The following SKOR1 variants were observed in gnomAD, a reference collection of about 807,000 sequenced individuals.
SKOR1 encodes LBX1 corepressor 1.
SKOR1 carries 38 observed loss-of-function variants against 72.4 expected under a neutral mutation model. That is an observed-to-expected ratio of 0.52 (90% CI 0.40 to 0.69). The LOEUF is 0.69. Ranked by LOEUF, SKOR1 falls within the 30% of genes least tolerant of loss-of-function variation. The probability of loss-of-function intolerance (pLI) is 0.00; values close to 1 mark genes in which losing one functional copy is unlikely to be tolerated. For synonymous variants in SKOR1, 642 were observed against 599.4 expected, an observed-to-expected ratio of 1.07 and a Z score of -1.04; for missense variants, 1,320 against 1,343.2, an observed-to-expected ratio of 0.98 and a Z score of 0.27.
chr15:67,825,858 C>T lies in SKOR1; in HGVS notation c.108-78C>T. The T allele has an allele frequency of 6.6e-7, 1 of 1,513,196 alleles. No homozygotes were observed. The highest frequency in any genetic ancestry group is 8.8e-7 in the Non-Finnish European group (1 of 1,138,078). The allele number at this position is 1,513,196 out of a possible 1,614,324, so 93.7% of individuals were successfully genotyped here. ...TATCCCCCGCGCGCCCAACTCGGAGCGCCCTGCTGGGCGGGCCCGAGCCTC... is the reference window on the plus strand; with the variant it reads ...TATCCCCCGCGCGCCCAACTCGGAGTGCCCTGCTGGGCGGGCCCGAGCCTC... On this transcript the variant is annotated intron_variant, in intron 1 of 8. Coordinates refer to ENST00000380035, the MANE Select transcript of SKOR1 (RefSeq NM_001365915.1). The surrounding 1 kb of genome is among the most constrained non-coding windows in gnomAD (Gnocchi z 5.6).
At position 67,827,294 on chromosome 15, in the gene SKOR1, C is replaced by G; in HGVS notation, c.1466C>G (p.Pro489Arg). ...AAAATVYPTF[P>R]MFWPAAGSLP... is the part of the protein sequence containing the mutation. The stretch of plus-strand genomic sequence containing the variant: ...GCCGCCACTGTGTACCCGACGTTTC[C>G]CATGTTCTGGCCAGCAGCAGGCAGC... The change falls in exon 2 of 9, where the codon CCC becomes CGC. Residue 489 changes from proline (P) to arginine (R), a missense_variant. By Grantham distance (103) the Pro-to-Arg change is moderately radical. Transcript: ENST00000380035. 1 of 1,589,558 alleles carries G rather than the reference C, an allele frequency of 6.3e-7. No homozygotes were observed. The highest frequency in any genetic ancestry group is 8.5e-7 in the Non-Finnish European group (1 of 1,175,484).
rs758032373 is a variant in SKOR1, at chr15:67,825,995, C to T, written c.167C>T (p.Ser56Leu). Reference protein sequence around the residue: ...QLGPGREGSSSPNSKQELQPY... With the variant: ...QLGPGREGSSLPNSKQELQPY... ...GGGCCGGGGCGCGAGGGCAGTTCCT[C>T]GCCCAACTCCAAGCAGGAGCTGCAG... Residue 56 changes from serine (S) to leucine (L), a missense_variant, in exon 2 of 9, where the codon TCG becomes TTG. Transcript: ENST00000380035. This position sits in a 1 kb window ranked among gnomAD's most constrained non-coding sequence, Gnocchi z 5.6. 7.2e-6 allele frequency: 11 copies of T among 1,535,050 alleles called. No individual in the cohort carries two copies. Among genetic ancestry groups the T allele is most frequent in the Non-Finnish European group, 8.8e-6 (10 of 1,141,476 alleles).
Position 67,827,056 on chromosome 15 carries a change from G to T in SKOR1, c.1228G>T (p.Asp410Tyr). ...GGCCTTCGGCCTATGCCCCAAAAAG[G>T]ACGACCCGGTTTTAGGCGCGGGCGA... ...PTAFGLCPKK[D>Y]DPVLGAGEPK... Residue 410 changes from aspartate to tyrosine, a missense_variant, in exon 2 of 9, where the codon GAC becomes TAC. This residue lies in a region of SKOR1 where 1,099 missense variants were observed against 1,025.5 expected (regional missense o/e 1.07). Transcript: ENST00000380035. 4 of 1,549,150 alleles carry T rather than the reference G, an allele frequency of 2.6e-6. No individual in the cohort carries two copies. The highest frequency in any genetic ancestry group is 3.5e-6 in the Non-Finnish European group (4 of 1,155,194).
At position 67,827,082 on chromosome 15, in the gene SKOR1, G is replaced by C; in HGVS notation, c.1254G>C (p.Glu418Asp). 1 of 1,521,412 alleles carries C rather than the reference G, an allele frequency of 6.6e-7. No individual in the cohort carries two copies. The highest frequency in any genetic ancestry group is 8.8e-7 in the Non-Finnish European group (1 of 1,141,858). The allele number at this position is 1,521,412 out of a possible 1,614,324, so 94.2% of individuals were successfully genotyped here. ...KKDDPVLGAG[E>D]PKGGPGTGSG... ...ACGACCCGGTTTTAGGCGCGGGCGA[G>C]CCAAAGGGCGGTCCTGGCACTGGGA... The change falls in exon 2 of 9, where the codon GAG becomes GAC. Residue 418 changes from glutamate to aspartate, a missense_variant. Glu to Asp is a conservative substitution (Grantham distance 45, BLOSUM62 2). This residue lies in a region of SKOR1 where 1,099 missense variants were observed against 1,025.5 expected (regional missense o/e 1.07). Coordinates refer to ENST00000380035, the MANE Select transcript of SKOR1 (RefSeq NM_001365915.1).
rs2090978217 is a variant in SKOR1, at chr15:67,827,985, C to G, written c.2157C>G (p.Pro719=). The change falls in exon 2 of 9, where the codon CCC becomes CCG. Residue 719 remains proline (P), a synonymous_variant. Coordinates refer to ENST00000380035, the MANE Select transcript of SKOR1 (RefSeq NM_001365915.1). ...ANSPDGGSPR[P]RRRLGPPPAG... ...CTCCCGACGGCGGCAGCCCCCGCCC[C>G]CGGCGCCGCCTCGGGCCACCCCCAG... is the stretch of plus-strand genomic sequence containing the variant. The G allele has an allele frequency of 6.5e-7, 1 of 1,539,260 alleles. No individual in the cohort carries two copies.
chr15:67,826,621 G>A lies in SKOR1; in HGVS notation c.793G>A (p.Glu265Lys). ...CACAGACGAACTGAGCCATGCTTGG[G>A]AGGACGTCAAGGCCATGTTTAATGG... is the stretch of plus-strand genomic sequence containing the variant. ...SATDELSHAW[E>K]DVKAMFNGGT... The change falls in exon 2 of 9, where the codon GAG becomes AAG. Residue 265 changes from glutamate (E) to lysine (K), a missense_variant. Around this residue, in one of 3 missense-constraint regions of SKOR1, gnomAD observed 1,099 missense variants for 1,025.5 expected, o/e 1.07. Transcript: ENST00000380035. The A allele has an allele frequency of 6.2e-7, 1 of 1,613,518 alleles. No homozygotes were observed. The highest frequency in any genetic ancestry group is 8.5e-7 in the Non-Finnish European group (1 of 1,179,824).
Position 67,825,942 on chromosome 15 carries a change from C to T in SKOR1, c.114C>T (p.Gly38=). The T allele has an allele frequency of 6.6e-7, 1 of 1,515,052 alleles. No homozygotes were observed. Among genetic ancestry groups the T allele is most frequent in the Non-Finnish European group, 8.8e-7 (1 of 1,134,394 alleles). 93.9% of individuals were successfully genotyped at this position (1,515,052 alleles called of 1,614,324 possible). A position where few individuals can be genotyped will look rare whatever the true frequency, so the allele number is the denominator to read the frequency against. ...FLAARAFLRS[G]GMEALTTQLG... ...TGCTTTCTCTATTTCGCAGGAGCGG[C>T]GGCATGGAGGCTCTCACCACTCAGC... is the stretch of plus-strand genomic sequence containing the variant. Residue 38 remains glycine, a synonymous_variant, in exon 2 of 9, where the codon GGC becomes GGT. Transcript: ENST00000380035. The surrounding 1 kb of genome is among the most constrained non-coding windows in gnomAD (Gnocchi z 5.6).
intron 5 of SKOR1, 69 bp downstream of exon 5, chr15:67,830,958 G>A (rs1298361249): frequency 2.0e-6 from 3 of 1,477,604 alleles, no homozygotes; most frequent in African/African-American, 1.4e-5. Flanking sequence ...GTAGAGGGGT[G>A]TTATCCCTGT....
rs1005589762 is a variant in SKOR1 at position 67,829,263 on chromosome 15, G to T, written c.2401G>T (p.Ala801Ser). The change falls in exon 3 of 9, where the codon GCC (alanine) becomes TCC (serine). Residue 801 changes from alanine to serine, a missense_variant. Physicochemically the swap from Ala to Ser is moderately conservative, Grantham distance 99. Around this residue, in one of 3 missense-constraint regions of SKOR1, gnomAD observed 1,099 missense variants for 1,025.5 expected, o/e 1.07. Coordinates refer to ENST00000380035, the MANE Select transcript of SKOR1 (RefSeq NM_001365915.1). ...GGCCTCCTACGTCTGCACCCCCGAG[G>T]CCCACGGTAACGCCTGTCGCGGCCG... Reference protein sequence around the residue: ...PAASYVCTPEAHEPDKEDNHS... With the variant: ...PAASYVCTPESHEPDKEDNHS... 1 of 1,551,678 alleles carries T rather than the reference G, an allele frequency of 6.4e-7. No homozygotes were observed.
At chr15:67,831,904 G>GC (rs1440890348) in intron 5 of SKOR1, among the ~76,000 whole-genome samples, 10 of 104,754 alleles carry the variant, frequency 9.5e-5, no homozygotes, top group East Asian at 2.9e-4. Flanking sequence ...GCGGCGGTGC[G>GC]GGGGGGGGAG....
Position 67,830,870 on chromosome 15 carries a change from T to C in SKOR1, c.2568T>C (p.Asp856=), listed in dbSNP as rs764272197. 1.1e-5 allele frequency: 17 copies of C among 1,614,112 alleles called. No homozygotes were observed. Among genetic ancestry groups the C allele is most frequent in the African/African-American group, 1.3e-5 (1 of 75,022 alleles). Residue 856 remains aspartate, a synonymous_variant, in exon 5 of 9, where the codon GAT becomes GAC. Transcript: ENST00000380035. Reference sequence around the variant, plus strand: ...CAGGAACTCATTTGGTGGAGAAAGATATCGAGAACCTGGCCAGAGGTGAGG... The same window carrying C: ...CAGGAACTCATTTGGTGGAGAAAGACATCGAGAACCTGGCCAGAGGTGAGG... ...DVTGTHLVEK[D]IENLAREELQ...
intron 3 of SKOR1, among the ~76,000 whole-genome samples, 200 bp from the exon 4 acceptor site, chr15:67,829,991 C>G (rs2090996097): frequency 6.6e-6 from 1 of 152,180 alleles, no homozygotes; most frequent in African/African-American, 2.4e-5. Flanking sequence ...GGCCTGAAGC[C>G]CGGAGATGAG....
Position 67,829,214 on chromosome 15 carries a change from C to G in SKOR1, c.2352C>G (p.Ser784Arg), listed in dbSNP as rs751116610. 19 of 1,575,888 alleles carry G rather than the reference C, an allele frequency of 1.2e-5. No individual in the cohort carries two copies. In the Admixed American group the frequency reaches 2.4e-4, roughly 20 times the overall value. The change falls in exon 3 of 9, where the codon AGC (serine) becomes AGG (arginine). Residue 784 changes from serine (S) to arginine (R), a missense_variant. Around this residue, in one of 3 missense-constraint regions of SKOR1, gnomAD observed 1,099 missense variants for 1,025.5 expected, o/e 1.07. Transcript: ENST00000380035. The part of the protein sequence containing the change: ...FAPERDEHVK[S>R]AAVALGPAAS... The stretch of plus-strand genomic sequence containing the variant: ...CCGAGAGGGATGAGCACGTGAAGAG[C>G]GCGGCGGTGGCGCTGGGGCCCGCGG...
chr15:67,826,651 A>T lies in SKOR1; in HGVS notation c.823A>T (p.Thr275Ser). 1 of 1,608,072 alleles carries T rather than the reference A, an allele frequency of 6.2e-7. No individual in the cohort carries two copies. Among genetic ancestry groups the T allele is most frequent in the South Asian group, 1.1e-5 (1 of 90,466 alleles). The change falls in exon 2 of 9, where the codon ACG (threonine) becomes TCG (serine). Residue 275 changes from threonine (T) to serine (S), a missense_variant. Thr to Ser is a moderately conservative substitution (Grantham distance 58). Coordinates refer to ENST00000380035, the MANE Select transcript of SKOR1 (RefSeq NM_001365915.1). ...EDVKAMFNGG[T>S]RKRTFSLQGG... ...CGTCAAGGCCATGTTTAATGGCGGCACGCGCAAGCGGACCTTCTCCCTACA... is the reference window on the plus strand; with the variant it reads ...CGTCAAGGCCATGTTTAATGGCGGCTCGCGCAAGCGGACCTTCTCCCTACA...
chr15:67,833,704 A>C lies in SKOR1; in HGVS notation c.2804-38A>C. ...GGACTGCGCGGTGAGGTGAGCCTGG[A>C]GAGGCGCCCAGAGTGACCCTCGCGA... On this transcript the variant is annotated intron_variant, in intron 8 of 8. Transcript: ENST00000380035. The surrounding 1 kb of genome is among the most constrained non-coding windows in gnomAD (Gnocchi z 6.0). The C allele has an allele frequency of 1.2e-6, 2 of 1,600,482 alleles. No individual in the cohort carries two copies. The highest frequency in any genetic ancestry group is 2.2e-5 in the East Asian group (1 of 44,776).
Position 67,830,867 on chromosome 15 carries a change from A to T in SKOR1, c.2565A>T (p.Lys855Asn). ...LDVTGTHLVE[K>N]DIENLAREEL... is the part of the protein sequence containing the mutation. ...TCACAGGAACTCATTTGGTGGAGAA[A>T]GATATCGAGAACCTGGCCAGAGGTG... is the stretch of plus-strand genomic sequence containing the variant. Residue 855 changes from lysine (K) to asparagine (N), a missense_variant, in exon 5 of 9, where the codon AAA becomes AAT. This residue lies in a region of SKOR1 where 1,099 missense variants were observed against 1,025.5 expected (regional missense o/e 1.07). Coordinates refer to ENST00000380035, the MANE Select transcript of SKOR1 (RefSeq NM_001365915.1). The T allele has an allele frequency of 6.2e-7, 1 of 1,614,190 alleles. No homozygotes were observed. Among genetic ancestry groups the T allele is most frequent in the East Asian group, 2.2e-5 (1 of 44,880 alleles).
intron 5 of SKOR1, 120 bp downstream of exon 5, chr15:67,831,009 G>A: frequency 2.0e-6 from 2 of 985,794 alleles, no homozygotes; most frequent in Non-Finnish European, 3.2e-6. Flanking sequence ...AGGCCTTGGG[G>A]GCATGAGTTT....
chr15:67,828,334 T>G (rs2090982030), intron 2 of SKOR1, among the ~76,000 whole-genome samples, 190 bp downstream of exon 2: 1 of 151,878 alleles, frequency 6.6e-6, no homozygotes, highest in African/African-American at 2.4e-5. Flanking sequence ...CCAGTGAGGG[T>G]TTCGAAGGGA....
At chr15:67,829,913 G>A (rs1040518285) in intron 3 of SKOR1, among the ~76,000 whole-genome samples, 1 of 152,218 alleles carries the variant, frequency 6.6e-6, no homozygotes, top group African/African-American at 2.4e-5. Context: ...ATCTGCGCGC[G>A]ATGTAGGTCG....
Sources: gnomAD v4.1 joint callset for allele counts (sites outside exome capture counted in the v4.1 genomes callset) on GRCh38, gnomAD v4.1.1 for gene constraint, gnomAD v4.1.1 regional missense constraint, Gnocchi (gnomAD v3.1) non-coding constraint, MANE v1.5 for transcripts, NCBI Gene and HGNC (gene_info 2026-07-23, HGNC 2026-07-21) for gene names.